MCMBP: variants seen among roughly 807,000 people sequenced by gnomAD.
MCMBP encodes the protein mini-chromosome maintenance complex-binding protein.
A neutral mutation model predicts 81.3 loss-of-function variants in MCMBP; 31 were observed. The observed-to-expected ratio is 0.38, with a 90% CI of 0.29 to 0.51. The LOEUF (loss-of-function observed/expected upper bound fraction) is 0.51, where lower values mean the gene tolerates loss of function less well. Among genes scored for constraint, MCMBP ranks in the 20% least tolerant of loss-of-function variants. The probability of loss-of-function intolerance (pLI) is 0.87; values close to 1 mark genes in which losing one functional copy is unlikely to be tolerated. For missense variants in MCMBP, 645 were observed against 772.1 expected, an observed-to-expected ratio of 0.84 and a Z score of 1.95; for synonymous variants, 267 against 275.9, an observed-to-expected ratio of 0.97 and a Z score of 0.32.
chr10:119,860,350 T>C (rs1256394143), intron 1 of MCMBP, among the ~76,000 whole-genome samples: 1 of 152,202 alleles, frequency 6.6e-6, no homozygotes, highest in Non-Finnish European at 1.5e-5. Flanking sequence ...TTCAAAAAAG[T>C]TGGAAAGAAC....
chr10:119,848,145 G>GC (rs2134365497), intron 7 of MCMBP, among the ~76,000 whole-genome samples: 1 of 150,222 alleles, frequency 6.7e-6, no homozygotes, highest in East Asian at 2.0e-4. Flanking sequence ...ACTTGGAATG[G>GC]CCAGAAGATT....
chr10:119,846,248 G>T (rs962107670), intron 8 of MCMBP, among the ~76,000 whole-genome samples: 2 of 151,628 alleles, frequency 1.3e-5, no homozygotes, highest in African/African-American at 4.9e-5. Flanking sequence ...CCAAATCTGG[G>T]AAAATTTGGG....
chr10:119,835,901 T>G (rs1852223215), intron 13 of MCMBP, among the ~76,000 whole-genome samples, 197 bp from the exon 14 acceptor site: 1 of 152,164 alleles, frequency 6.6e-6, no homozygotes, highest in African/African-American at 2.4e-5. Context: ...TGCAGTGGTG[T>G]GATTGCAGCT....
chr10:119,853,672 G>A (rs941310649), intron 5 of MCMBP, among the ~76,000 whole-genome samples: 3 of 152,206 alleles, frequency 2.0e-5, no homozygotes, highest in African/African-American at 7.2e-5. Flanking sequence ...GACCCTGAAG[G>A]TTCCATTTGG....
At chr10:119,843,930 G>C (rs1852526741) in intron 8 of MCMBP, among the ~76,000 whole-genome samples, 1 of 152,066 alleles carries the variant, frequency 6.6e-6, no homozygotes, top group Non-Finnish European at 1.5e-5. Context: ...TCAAAGTGCT[G>C]GGATTACAGG....
rs1020131817 is a variant in MCMBP at position 119,831,087 on chromosome 10, G to A, written c.*387C>T. 22 of 156,482 alleles carry A rather than the reference G, an allele frequency of 1.4e-4. No homozygotes were observed. Among genetic ancestry groups the A allele is most frequent in the Non-Finnish European group, 2.5e-4 (18 of 71,228 alleles). The allele number at this position is 156,482 out of a possible 1,614,324, so 9.7% of individuals were successfully genotyped here. A position where few individuals can be genotyped will look rare whatever the true frequency, so the allele number is the denominator to read the frequency against. On this transcript the variant is annotated 3_prime_UTR_variant, in exon 16 of 16. Transcript: ENST00000369077. ...GAGAACTAGAAAACATAAGAAATCC[G>A]AAGCACGATTCCTCTGACTTTGAAA...
chr10:119,857,380 G>T lies in MCMBP; in HGVS notation c.387C>A (p.Phe129Leu). 1 of 1,611,298 alleles carries T rather than the reference G, an allele frequency of 6.2e-7. No homozygotes were observed. Among genetic ancestry groups the T allele is most frequent in the Non-Finnish European group, 8.5e-7 (1 of 1,178,046 alleles). ...ATTCCCCAGGCACCGGAACACAATAGAAAGTCTGTCTTTCCAAAGTGGTAT... is the reference window on the plus strand; with the variant it reads ...ATTCCCCAGGCACCGGAACACAATATAAAGTCTGTCTTTCCAAAGTGGTAT... ...PRNTTLERQT[F>L]YCVPVPGEST... The change falls in exon 5 of 16, where the codon TTC becomes TTA. Residue 129 changes from phenylalanine (F) to leucine (L), a missense_variant. Phe to Leu is a conservative substitution (Grantham distance 22). Coordinates refer to ENST00000369077, the MANE Select transcript of MCMBP (RefSeq NM_001256378.2).
upstream of MCMBP, among the ~76,000 whole-genome samples, chr10:119,873,223 A>T (rs1041486222): frequency 6.0e-5 from 9 of 151,152 alleles, no homozygotes; most frequent in Admixed American, 1.3e-4. Flanking sequence ...GAATCCGCCC[A>T]CCTCCTCTTC....
intron 7 of MCMBP, among the ~76,000 whole-genome samples, chr10:119,848,859 T>C (rs1852712291): frequency 6.6e-6 from 1 of 152,218 alleles, no homozygotes; most frequent in African/African-American, 2.4e-5. Context: ...GAAGATATTA[T>C]GTTAGAAATG....
At chr10:119,843,562 A>G (rs1852514606) in intron 8 of MCMBP, 136 bp from the exon 9 acceptor site, 2 of 777,014 alleles carry the variant, frequency 2.6e-6, no homozygotes, top group Admixed American at 5.8e-5. Flanking sequence ...AAGAACAGAA[A>G]GTGGCCTCTC....
At position 119,832,062 on chromosome 10, in the gene MCMBP, G is replaced by A; in HGVS notation, c.1746C>T (p.Asp582=). ...GATCATCAGCAGTGATGCTCTGAGG[G>A]TCGTTCTTCCGCATTTCCACAAAGT... The part of the protein sequence containing the change: ...EDDFVEMRKN[D]PQSITADDLH... Residue 582 remains aspartate, a synonymous_variant, in exon 15 of 16, where the codon GAC becomes GAT. Coordinates refer to ENST00000369077, the MANE Select transcript of MCMBP (RefSeq NM_001256378.2). The A allele has an allele frequency of 6.2e-7, 1 of 1,613,394 alleles. No homozygotes were observed. The highest frequency in any genetic ancestry group is 8.5e-7 in the Non-Finnish European group (1 of 1,179,826).
At chr10:119,859,778 C>G (rs778840168) in intron 2 of MCMBP, 21 bp downstream of exon 2, 2 of 1,573,410 alleles carry the variant, frequency 1.3e-6, no homozygotes, top group Non-Finnish European at 1.7e-6. Context: ...CCCTCTCCCT[C>G]GAAAATAGCA....
chr10:119,863,214 A>C (rs188816204), intron 1 of MCMBP, among the ~76,000 whole-genome samples: 103 of 152,254 alleles, frequency 6.8e-4, no homozygotes, highest in Non-Finnish European at 1.2e-3. Context: ...GTCATGTCTT[A>C]AGAACTCATT....
At chr10:119,865,101 A>G (rs1010382055) in intron 1 of MCMBP, among the ~76,000 whole-genome samples, 2 of 138,744 alleles carry the variant, frequency 1.4e-5, no homozygotes, top group Non-Finnish European at 3.3e-5. Context: ...TATTCTGTCA[A>G]GTACTGAGAG....
Position 119,859,112 on chromosome 10 carries a change from T to C in MCMBP, c.214A>G (p.Ile72Val). Residue 72 changes from isoleucine to valine, a missense_variant, in exon 3 of 16, where the codon ATT (isoleucine) becomes GTT (valine). Coordinates refer to ENST00000369077, the MANE Select transcript of MCMBP (RefSeq NM_001256378.2). ...PNSFVKFRCM[I>V]QDMFDPEFYM... is the part of the protein sequence containing the mutation. Reference sequence around the variant, plus strand: ...AACTCAGGGTCAAACATATCCTGAATCATGCAACGAAATTTCACAAAACTA... The same window carrying C: ...AACTCAGGGTCAAACATATCCTGAACCATGCAACGAAATTTCACAAAACTA... 6.2e-7 allele frequency: 1 copy of C among 1,614,024 alleles called. No homozygotes were observed. Among genetic ancestry groups the C allele is most frequent in the Non-Finnish European group, 8.5e-7 (1 of 1,179,934 alleles).
intron 1 of MCMBP, among the ~76,000 whole-genome samples, chr10:119,862,315 A>G (rs1320959078): frequency 6.6e-6 from 1 of 151,916 alleles, no homozygotes; most frequent in Non-Finnish European, 1.5e-5. Flanking sequence ...CCCCCCCCAC[A>G]CCACCTCCTC....
intron 1 of MCMBP, among the ~76,000 whole-genome samples, chr10:119,861,620 C>T (rs773304976): frequency 2.0e-5 from 3 of 152,118 alleles, no homozygotes; most frequent in Non-Finnish European, 2.9e-5. Flanking sequence ...GCCACACCAA[C>T]TATTCTGCCT....
chr10:119,843,498 G>A, intron 8 of MCMBP, 72 bp from the exon 9 acceptor site: 6 of 1,458,528 alleles, frequency 4.1e-6, no homozygotes, highest in Non-Finnish European at 5.6e-6. Flanking sequence ...TGTGCATCTT[G>A]GAAAACAAAA....
At chr10:119,831,671 T>C (rs1211136271) in intron 15 of MCMBP, 71 bp from the exon 16 acceptor site, 2 of 1,543,192 alleles carry the variant, frequency 1.3e-6, no homozygotes, top group African/African-American at 2.8e-5. Flanking sequence ...TTTTAAGACC[T>C]AGGAATACTT....
Sources: allele counts gnomAD v4.1 joint callset (sites outside exome capture counted in the v4.1 genomes callset), GRCh38; gene constraint gnomAD v4.1.1; transcripts MANE v1.5; gene names NCBI Gene and HGNC (gene_info 2026-07-23, HGNC 2026-07-21).